Variants in EPHB2 observed in about 807,000 individuals in gnomAD.
EPHB2 encodes the protein EPH receptor B2.
EPHB2 carries 18 observed loss-of-function variants against 96.4 expected under a neutral mutation model. The ratio of observed to expected loss-of-function variants is 0.19; its 90% confidence interval spans 0.13 to 0.28. The LOEUF (loss-of-function observed/expected upper bound fraction) is 0.28, where lower values mean the gene tolerates loss of function less well. EPHB2 is among the 10% of genes least tolerant of loss of function. The pLI is 1.00. For synonymous variants in EPHB2, 506 were observed against 534.1 expected (o/e 0.95, Z 0.72); for missense variants, 989 against 1,355.4 (o/e 0.73, Z 4.25).
At chr1:22,778,281 AG>A (rs1157442054) in intron 1 of EPHB2, among the ~76,000 whole-genome samples, 1 of 152,058 alleles carries the variant, frequency 6.6e-6, no homozygotes, top group Non-Finnish European at 1.5e-5. Flanking sequence ...CCCCCTCAAA[AG>A]GTCCATTTGT....
At chr1:22,754,873 GC>G (rs2148385295) in intron 1 of EPHB2, among the ~76,000 whole-genome samples, 1 of 131,842 alleles carries the variant, frequency 7.6e-6, no homozygotes, top group South Asian at 2.5e-4. Context: ...GAGGCAAGGG[GC>G]AGGTGAGGTG....
chr1:22,776,765 T>A (rs1644459098), intron 1 of EPHB2, among the ~76,000 whole-genome samples: 1 of 152,170 alleles, frequency 6.6e-6, no homozygotes, highest in South Asian at 2.1e-4. Context: ...TTGTACAGGT[T>A]GTAGTTGGAA....
At chr1:22,802,125 C>T (rs916662637) in intron 3 of EPHB2, among the ~76,000 whole-genome samples, 3 of 151,932 alleles carry the variant, frequency 2.0e-5, no homozygotes, top group Non-Finnish European at 4.4e-5. Flanking sequence ...GGAGGGGGCC[C>T]GCCCAGTGTT....
At chr1:22,825,362 C>A (rs533761479) in intron 3 of EPHB2, among the ~76,000 whole-genome samples, 11 of 152,282 alleles carry the variant, frequency 7.2e-5, no homozygotes, top group African/African-American at 2.6e-4. Flanking sequence ...CCTAACTCCT[C>A]GGATGATCCA....
chr1:22,761,827 C>T lies in EPHB2; in HGVS notation c.62-19594C>T, dbSNP rs373576798. On this transcript the variant is annotated intron_variant, in intron 1 of 15. Transcript: ENST00000374630. ...GCTTTCAGGGCTGCCTCAGCAAAGC[C>T]CATTTTGCAGATGGGGAAACCAAGG... 1.6e-3 allele frequency among the ~76,000 whole-genome samples: 246 copies of T among 152,244 alleles called. 1 individual carries two copies. Among genetic ancestry groups the T allele is most frequent in the African/African-American group, 5.3e-3 (222 of 41,552 alleles).
intron 11 of EPHB2, among the ~76,000 whole-genome samples, chr1:22,907,276 C>G (rs1247772449): frequency 6.6e-6 from 1 of 152,186 alleles, no homozygotes; most frequent in African/African-American, 2.4e-5. Flanking sequence ...TCATTATGCA[C>G]AGGAGAAAAC....
chr1:22,848,387 T>C (rs1264130310), intron 3 of EPHB2, among the ~76,000 whole-genome samples: 2 of 152,150 alleles, frequency 1.3e-5, no homozygotes, highest in Non-Finnish European at 2.9e-5. Flanking sequence ...AGATGGCCTG[T>C]CCACTATCGC....
intron 1 of EPHB2, among the ~76,000 whole-genome samples, chr1:22,748,687 C>T (rs1644013841): frequency 6.6e-6 from 1 of 151,172 alleles, no homozygotes; most frequent in Non-Finnish European, 1.5e-5. Context: ...GCTCTGGGTC[C>T]TCTTTTTACA....
In EPHB2 at chr1:22,906,873, C is replaced by T. The variant is rs1639934001; in HGVS notation, c.2052C>T (p.His684=). 1 of 1,614,084 alleles carries T rather than the reference C, an allele frequency of 6.2e-7. No individual in the cohort carries two copies. ...MGQFDHPNVI[H]LEGVVTKSTP... ...AGTTCGACCATCCCAACGTCATCCA[C>T]CTGGAGGGTGTCGTGACCAAGAGCA... The change falls in exon 11 of 16, where the codon CAC becomes CAT. Residue 684 remains histidine, a synonymous_variant. Coordinates refer to ENST00000374630, the MANE Select transcript of EPHB2 (RefSeq NM_017449.5). The surrounding 1 kb of genome is among the most constrained non-coding windows in gnomAD (Gnocchi z 4.8).
chr1:22,802,169 TA>T (rs1557682757), intron 3 of EPHB2, among the ~76,000 whole-genome samples: 4 of 151,736 alleles, frequency 2.6e-5, no homozygotes, highest in South Asian at 4.2e-4. Flanking sequence ...AGAAGGGGGC[TA>T]GGGGGCAGAC....
intron 3 of EPHB2, among the ~76,000 whole-genome samples, chr1:22,819,262 T>G (rs997794013): frequency 2.0e-5 from 3 of 146,404 alleles, no homozygotes; most frequent in African/African-American, 7.5e-5. Flanking sequence ...CTGGTCTTTG[T>G]GTCTTTTCAT....
chr1:22,785,356 GTA>G (rs1167643061), intron 3 of EPHB2, among the ~76,000 whole-genome samples: 1 of 152,232 alleles, frequency 6.6e-6, no homozygotes, highest in African/African-American at 2.4e-5. Flanking sequence ...CATCATATGA[GTA>G]TGTCAAGTGG....
chr1:22,740,991 A>G (rs1643894980), intron 1 of EPHB2, among the ~76,000 whole-genome samples: 1 of 151,712 alleles, frequency 6.6e-6, no homozygotes, highest in Non-Finnish European at 1.5e-5. Flanking sequence ...CTCCTTGCTG[A>G]CGGCGGGGAT....
chr1:22,878,897 C>T (rs756590585), intron 5 of EPHB2, among the ~76,000 whole-genome samples: 8 of 152,242 alleles, frequency 5.3e-5, no homozygotes, highest in Admixed American at 1.3e-4. Flanking sequence ...ACTCCTCACC[C>T]GTCCTTGCCC....
chr1:22,863,657 T>G (rs60378630), intron 4 of EPHB2, among the ~76,000 whole-genome samples: 11,086 of 152,246 alleles, frequency 0.073, 1,275 homozygotes, highest in African/African-American at 0.25. Context: ...AGCTGAGCCC[T>G]ATGGCTGAAA....
At chr1:22,726,577 C>A (rs933484653) in intron 1 of EPHB2, among the ~76,000 whole-genome samples, 2 of 152,110 alleles carry the variant, frequency 1.3e-5, no homozygotes, top group Non-Finnish European at 2.9e-5. Context: ...TGCACCACCA[C>A]ACCCGGCTAA....
intron 3 of EPHB2, among the ~76,000 whole-genome samples, chr1:22,828,916 G>A (rs1645262574): frequency 6.6e-6 from 1 of 152,226 alleles, no homozygotes; most frequent in African/African-American, 2.4e-5. Context: ...GAACGGTGCA[G>A]TCACAGAACT....
chr1:22,716,344 T>G (rs1643294615), intron 1 of EPHB2, among the ~76,000 whole-genome samples: 1 of 152,034 alleles, frequency 6.6e-6, no homozygotes. Flanking sequence ...GTTCTTTTTT[T>G]TTTTCGAGAT....
intron 1 of EPHB2, among the ~76,000 whole-genome samples, chr1:22,741,753 G>A (rs575950455): frequency 6.7e-6 from 1 of 148,526 alleles, no homozygotes; most frequent in African/African-American, 2.5e-5. Flanking sequence ...GAAAACAAGG[G>A]CAATAATAGT....
Sources: allele counts gnomAD v4.1 joint callset (sites outside exome capture counted in the v4.1 genomes callset), GRCh38; gene constraint gnomAD v4.1.1; non-coding constraint Gnocchi (gnomAD v3.1); transcripts MANE v1.5; gene names NCBI Gene and HGNC (gene_info 2026-07-23, HGNC 2026-07-21).